The following TRPC7 variants were observed in gnomAD, a reference collection of about 807,000 sequenced individuals.
TRPC7 encodes short transient receptor potential channel 7.
Under a neutral mutation model 90.1 loss-of-function variants are expected in TRPC7, and 42 were observed. The ratio of observed to expected loss-of-function variants is 0.47; its 90% CI spans 0.36 to 0.60. The LOEUF is 0.60. TRPC7 is among the 20% of genes least tolerant of loss of function. TRPC7 has a pLI of 0.00. For missense variants in TRPC7, 955 were observed against 1,112.3 expected, an observed-to-expected ratio of 0.86 and a Z score of 2.01; for synonymous variants, 451 against 436.3, an observed-to-expected ratio of 1.03 and a Z score of -0.42.
In TRPC7 at chr5:136,264,695, C is replaced by A. The variant is rs185414660; in HGVS notation, c.1345+1525G>T. On this transcript the variant is annotated intron_variant, in intron 5 of 11. Transcript: ENST00000513104. ...GAAACCTCTGCCTTCTGGGTTCAAG[C>A]GATACTCCTGCCTTAGCCTCCTGAG... Among the ~76,000 whole-genome samples the A allele has an allele frequency of 5.6e-4, 85 of 152,036 alleles. 1 individual carries two copies. Among genetic ancestry groups the A allele is most frequent in the Non-Finnish European group, 9.4e-4 (64 of 67,984 alleles).
chr5:136,278,619 A>T (rs1304192836), intron 3 of TRPC7, among the ~76,000 whole-genome samples: 1 of 152,204 alleles, frequency 6.6e-6, no homozygotes, highest in Admixed American at 6.5e-5. Context: ...GTTTAAAGAG[A>T]TGGACCAGGA....
Position 136,251,885 on chromosome 5 carries a change from G to T in TRPC7, c.1346-3C>A. ...CTTGCATTCGGACCAAATCATTCCTGTGGGAGAAGGAGAAGGCCAGGCTCA... is the reference window on the plus strand; with the variant it reads ...CTTGCATTCGGACCAAATCATTCCTTTGGGAGAAGGAGAAGGCCAGGCTCA... On this transcript the variant is annotated splice_region_variant and splice_polypyrimidine_tract_variant and intron_variant, in intron 5 of 11. Coordinates refer to ENST00000513104, the MANE Select transcript of TRPC7 (RefSeq NM_020389.3). 2 of 1,611,846 alleles carry T rather than the reference G, an allele frequency of 1.2e-6. No homozygotes were observed. Among genetic ancestry groups the T allele is most frequent in the Non-Finnish European group, 1.7e-6 (2 of 1,178,046 alleles).
chr5:136,344,155 G>A (rs1289059471), intron 2 of TRPC7, among the ~76,000 whole-genome samples: 1 of 152,146 alleles, frequency 6.6e-6, no homozygotes, highest in East Asian at 1.9e-4. Flanking sequence ...ATTATCCTAA[G>A]CAAACTAACA....
chr5:136,345,525 C>T (rs902831808), intron 2 of TRPC7, among the ~76,000 whole-genome samples: 1 of 152,074 alleles, frequency 6.6e-6, no homozygotes, highest in Non-Finnish European at 1.5e-5. Flanking sequence ...CAAGCCACTG[C>T]ACTCCAGGCT....
intron 2 of TRPC7, among the ~76,000 whole-genome samples, chr5:136,337,722 A>G (rs991691704): frequency 2.6e-5 from 4 of 152,116 alleles, no homozygotes; most frequent in African/African-American, 9.7e-5. Flanking sequence ...CCAATGTGCT[A>G]TGAGAAAACA....
At position 136,356,982 on chromosome 5, in the gene TRPC7, G is replaced by A. The variant is rs764779881; in HGVS notation, c.406C>T (p.Arg136Cys). The stretch of plus-strand genomic sequence containing the variant: ...TGTTCCAGCGGGCTGAGCGTCAGGC[G>A]CTGGCCCTGCGCGAAGGCCGGGTGG... Reference protein sequence around the residue: ...LNHPAFAQGQRLTLSPLEQEL... With the variant: ...LNHPAFAQGQCLTLSPLEQEL... The change falls in exon 2 of 12, where the codon CGC (arginine) becomes TGC (cysteine). Residue 136 changes from arginine to cysteine, a missense_variant. Physicochemically the swap from Arg to Cys is radical, Grantham distance 180. This residue lies in a region of TRPC7 where 484 missense variants were observed against 509.6 expected (regional missense o/e 0.95). Transcript: ENST00000513104. 2 of 1,612,282 alleles carry A rather than the reference G, an allele frequency of 1.2e-6. No individual in the cohort carries two copies. Among genetic ancestry groups the A allele is most frequent in the Non-Finnish European group, 1.7e-6 (2 of 1,179,742 alleles).
intron 3 of TRPC7, among the ~76,000 whole-genome samples, chr5:136,313,377 G>GTCTATCTATCTATCTA (rs79202938): frequency 8.3e-6 from 1 of 120,574 alleles, no homozygotes; most frequent in Non-Finnish European, 1.7e-5. Flanking sequence ...GGAGATGTCT[G>GTCTATCTATCTATCTA]TCTATCTATC....
At chr5:136,316,821 A>C (rs1178090724) in intron 2 of TRPC7, among the ~76,000 whole-genome samples, 1 of 152,230 alleles carries the variant, frequency 6.6e-6, no homozygotes, top group African/African-American at 2.4e-5. Flanking sequence ...AGTACACAAG[A>C]GCCAAATGTC....
chr5:136,338,736 A>T (rs1759747518), intron 2 of TRPC7, among the ~76,000 whole-genome samples: 1 of 152,212 alleles, frequency 6.6e-6, no homozygotes, highest in South Asian at 2.1e-4. Flanking sequence ...AATCAAATGC[A>T]GTGCTCTCAG....
rs745931047 is a variant in TRPC7 at position 136,274,765 on chromosome 5, G to C, written c.1036C>G (p.Gln346Glu). Residue 346 changes from glutamine (Q) to glutamate (E), a missense_variant, in exon 4 of 12, where the codon CAG becomes GAG. Physicochemically the swap from Gln to Glu is conservative, Grantham distance 29. Transcript: ENST00000513104. Reference sequence around the variant, plus strand: ...GCCAGGAATTTCACAGCGATAGACTGTTGACGTAAGCCTGAGAGATTTTCA... The same window carrying C: ...GCCAGGAATTTCACAGCGATAGACTCTTGACGTAAGCCTGAGAGATTTTCA... ...WYENLSGLRQ[Q>E]SIAVKFLAVF... 3.8e-5 allele frequency: 61 copies of C among 1,607,622 alleles called. No homozygotes were observed. The highest frequency in any genetic ancestry group is 2.5e-4 in the Admixed American group (15 of 59,144).
chr5:136,232,163 C>A (rs1435611693), intron 7 of TRPC7, among the ~76,000 whole-genome samples: 2 of 152,154 alleles, frequency 1.3e-5, no homozygotes, highest in Non-Finnish European at 2.9e-5. Flanking sequence ...AAATTAAACA[C>A]CTGGGTAAAT....
At chr5:136,234,871 T>A (rs1367202780) in intron 7 of TRPC7, among the ~76,000 whole-genome samples, 1 of 152,156 alleles carries the variant, frequency 6.6e-6, no homozygotes, top group Non-Finnish European at 1.5e-5. Flanking sequence ...AGAGGGCACC[T>A]TATGGGCAGA....
intron 5 of TRPC7, among the ~76,000 whole-genome samples, chr5:136,258,380 C>T (rs879546323): frequency 7.9e-5 from 12 of 152,182 alleles, no homozygotes; most frequent in African/African-American, 2.9e-4. Context: ...GATAGTTCAG[C>T]GTTTTATATC....
At chr5:136,320,285 T>C (rs1221719916) in intron 2 of TRPC7, among the ~76,000 whole-genome samples, 2 of 152,180 alleles carry the variant, frequency 1.3e-5, no homozygotes, top group East Asian at 3.8e-4. Flanking sequence ...TTTTCACCAA[T>C]TTTACTATTT....
intron 3 of TRPC7, among the ~76,000 whole-genome samples, chr5:136,287,414 A>G (rs552754726): frequency 6.6e-6 from 1 of 151,740 alleles, no homozygotes; most frequent in Non-Finnish European, 1.5e-5. Context: ...TGGGGTTTGA[A>G]TGTCTTCCGT....
At chr5:136,279,300 A>G (rs1757469861) in intron 3 of TRPC7, among the ~76,000 whole-genome samples, 1 of 152,150 alleles carries the variant, frequency 6.6e-6, no homozygotes, top group African/African-American at 2.4e-5. Flanking sequence ...CTGACCAGAG[A>G]ATGGTTTTTT....
chr5:136,255,616 G>A (rs1756664623), intron 5 of TRPC7, among the ~76,000 whole-genome samples: 1 of 152,166 alleles, frequency 6.6e-6, no homozygotes, highest in Admixed American at 6.5e-5. Context: ...TTGTTTTGTT[G>A]TAGTGGTCTG....
intron 7 of TRPC7, among the ~76,000 whole-genome samples, chr5:136,235,210 T>A (rs553132847): frequency 1.3e-5 from 2 of 152,332 alleles, no homozygotes; most frequent in Admixed American, 1.3e-4. Flanking sequence ...ATGATATCCT[T>A]ACACTAAGGG....
chr5:136,329,226 C>T lies in TRPC7; in HGVS notation c.781-13447G>A, dbSNP rs572119779. The stretch of plus-strand genomic sequence containing the variant: ...TCAGAGGCTTGCTTGAGGACAAACA[C>T]TGTCTTTCAAGGAAACGACTCAGGT... On this transcript the variant is annotated intron_variant, in intron 2 of 11. Transcript: ENST00000513104. 8.5e-5 allele frequency among the ~76,000 whole-genome samples: 13 copies of T among 152,256 alleles called. No homozygotes were observed. The South Asian group carries it at 1.9e-3, about 22-fold the overall frequency.
Sources: allele counts gnomAD v4.1 joint callset (sites outside exome capture counted in the v4.1 genomes callset), GRCh38; gene constraint gnomAD v4.1.1; regional missense constraint gnomAD v4.1.1; transcripts MANE v1.5; gene names NCBI Gene and HGNC (gene_info 2026-07-23, HGNC 2026-07-21).